The following NKAIN4 variants were observed in gnomAD, a reference collection of about 807,000 sequenced individuals.
NKAIN4 encodes sodium/potassium-transporting ATPase subunit beta-1-interacting protein 4.
A neutral mutation model predicts 28.8 loss-of-function variants in NKAIN4; 28 were observed. The ratio of observed to expected loss-of-function variants is 0.97; its 90% CI spans 0.72 to 1.33. The LOEUF is 1.33. Ranked by LOEUF, NKAIN4 falls within the 40% of genes most tolerant of loss-of-function variation. The pLI is 0.00. For missense variants in NKAIN4, 289 were observed against 277.2 expected (o/e 1.04, Z -0.30); for synonymous variants, 122 against 115.6 (o/e 1.06, Z -0.36).
upstream of NKAIN4, chr20:63,254,585 G>T: frequency 1.7e-6 from 1 of 598,850 alleles, no homozygotes; most frequent in Non-Finnish European, 2.4e-6. Flanking sequence ...GCAACCCCCG[G>T]CCCAGCCCCA....
At chr20:63,244,376 T>A in intron 4 of NKAIN4, 1 of 527,746 alleles carries the variant, frequency 1.9e-6, no homozygotes. Flanking sequence ...TCAGCCTGAG[T>A]GGCTGCAGGG....
At position 63,243,654 on chromosome 20, in the gene NKAIN4, G is replaced by A. The variant is rs2066802484; in HGVS notation, c.532+370C>T. 4.6e-5 allele frequency among the ~76,000 whole-genome samples: 7 copies of A among 152,216 alleles called. No individual in the cohort carries two copies. The South Asian group carries it at 1.4e-3, about 31-fold the overall frequency. ...GGCTGCCACCGAGGGCCTGATGTGA[G>A]CGTCCTGGCCATGGGCCCGGTTCCG... On this transcript the variant is annotated intron_variant, in intron 5 of 6. Coordinates refer to ENST00000370316, the MANE Select transcript of NKAIN4 (RefSeq NM_152864.4).
Position 63,247,606 on chromosome 20 carries a change from A to G in NKAIN4, c.443T>C (p.Leu148Pro), listed in dbSNP as rs1466958421. The G allele has an allele frequency of 6.5e-7, 1 of 1,548,026 alleles. No individual in the cohort carries two copies. Residue 148 changes from leucine (L) to proline (P), a missense_variant, in exon 4 of 7, where the codon CTA becomes CCA. By Grantham distance (98) the Leu-to-Pro change is moderately conservative (BLOSUM62 -3). Coordinates refer to ENST00000370316, the MANE Select transcript of NKAIN4 (RefSeq NM_152864.4). ...CALEPSYVEA[L>P]HSCLQILIAL... is the part of the protein sequence containing the mutation. ...GATCAGGATCTGCAGGCAACTGTGT[A>G]GGGCCTCCACATAGCTGGGCTCCAG... is the stretch of plus-strand genomic sequence containing the variant.
intron 1 of NKAIN4, 43 bp from the exon 2 acceptor site, chr20:63,250,115 G>A (rs2066931187): frequency 6.6e-7 from 1 of 1,522,214 alleles, no homozygotes; most frequent in African/African-American, 1.4e-5. Flanking sequence ...CCCGAGGGAG[G>A]CCCCAGGCCC....
chr20:63,248,598 C>T (rs911386434), intron 3 of NKAIN4: 14 of 526,036 alleles, frequency 2.7e-5, no homozygotes, highest in South Asian at 8.7e-5. Context: ...TACCCACAGA[C>T]GCCTTTCTTT....
chr20:63,244,164 A>C (rs542245629), intron 4 of NKAIN4, 80 bp from the exon 5 acceptor site: 79 of 1,297,636 alleles, frequency 6.1e-5, no homozygotes, highest in Middle Eastern at 4.2e-4. Context: ...GGGCCGAAGC[A>C]CTGGAGCGCC....
intron 5 of NKAIN4, 119 bp downstream of exon 5, chr20:63,243,904 TG>T: frequency 2.6e-6 from 2 of 783,036 alleles, no homozygotes; most frequent in Non-Finnish European, 4.2e-6. Context: ...AAGGCCCTGC[TG>T]GGCGTGAGGT....
intron 6 of NKAIN4, among the ~76,000 whole-genome samples, chr20:63,241,941 G>C (rs548424595): frequency 6.6e-6 from 1 of 152,170 alleles, no homozygotes; most frequent in East Asian, 1.9e-4. Context: ...GGGCTACCCA[G>C]GGGCGTGCCA....
rs187670173 is a variant in NKAIN4 at position 63,250,523 on chromosome 20, G to A, written c.55-451C>T. Reference sequence around the variant, plus strand: ...TCGGATGGCCGGGAGGGACGGACGCGGGTTCACAAGAGTACTGGACGCCGA... The same window carrying A: ...TCGGATGGCCGGGAGGGACGGACGCAGGTTCACAAGAGTACTGGACGCCGA... On this transcript the variant is annotated intron_variant, in intron 1 of 6. Coordinates refer to ENST00000370316, the MANE Select transcript of NKAIN4 (RefSeq NM_152864.4). Among the ~76,000 whole-genome samples the A allele has an allele frequency of 5.1e-3, 761 of 148,212 alleles. 3 individuals are homozygous for A. The highest frequency in any genetic ancestry group is 7.2e-3 in the Non-Finnish European group (472 of 65,542).
chr20:63,249,068 C>G, intron 2 of NKAIN4, 173 bp from the exon 3 acceptor site: 1 of 600,516 alleles, frequency 1.7e-6, no homozygotes, highest in South Asian at 1.9e-5. Context: ...CAAGCCCACC[C>G]TGGGACACGT....
chr20:63,241,854 T>C, intron 6 of NKAIN4: 1 of 430,052 alleles, frequency 2.3e-6, no homozygotes, highest in Admixed American at 3.4e-5. Flanking sequence ...CCCTGTTCTC[T>C]GACATGGGAG....
intron 5 of NKAIN4, 46 bp downstream of exon 5, chr20:63,243,978 C>T (rs1325459885): frequency 9.1e-6 from 14 of 1,537,536 alleles, no homozygotes; most frequent in Non-Finnish European, 1.3e-5. Context: ...GCTGCCACCT[C>T]TGTAGCCGTC....
At chr20:63,246,686 C>A in intron 4 of NKAIN4, 2 of 982,084 alleles carry the variant, frequency 2.0e-6, no homozygotes, top group Non-Finnish European at 2.4e-6. Flanking sequence ...GCCTCGAGAT[C>A]GGTCAGAAGT....
chr20:63,253,707 T>C (rs1355071230), intron 1 of NKAIN4, among the ~76,000 whole-genome samples: 1 of 152,044 alleles, frequency 6.6e-6, no homozygotes, highest in Non-Finnish European at 1.5e-5. Flanking sequence ...AGCTTCGGAC[T>C]CCGGGGCAGA....
chr20:63,246,114 G>A (rs2066851864), intron 4 of NKAIN4, among the ~76,000 whole-genome samples: 1 of 152,096 alleles, frequency 6.6e-6, no homozygotes, highest in South Asian at 2.1e-4. Flanking sequence ...ATTTTTAGTA[G>A]AGACAGGGTT....
upstream of NKAIN4, chr20:63,254,535 G>C (rs35796278): frequency 1 from 1,029,306 of 1,029,420 alleles, 514,596 homozygotes; most frequent in Middle Eastern, 1. Flanking sequence ...GCCGCAGCCT[G>C]GACCCCGCCC....
intron 1 of NKAIN4, chr20:63,254,106 C>T (rs538986906): frequency 2.1e-5 from 9 of 433,568 alleles, no homozygotes; most frequent in South Asian, 6.6e-5. Flanking sequence ...CGAAGGCTTC[C>T]GTCCGGCCAG....
At chr20:63,249,756 G>A (rs891151110) in intron 2 of NKAIN4, among the ~76,000 whole-genome samples, 179 bp downstream of exon 2, 8 of 152,118 alleles carry the variant, frequency 5.3e-5, no homozygotes, top group Non-Finnish European at 8.8e-5. Context: ...AAGCCCCTCC[G>A]TCCGAACCAG....
chr20:63,246,945 G>A (rs73153515), intron 4 of NKAIN4: 158,744 of 986,040 alleles, frequency 0.16, 13,169 homozygotes, highest in East Asian at 0.32. Context: ...GAGCAGCATC[G>A]TAGCCCCTGT....
Sources: allele counts gnomAD v4.1 joint callset (sites outside exome capture counted in the v4.1 genomes callset), GRCh38; gene constraint gnomAD v4.1.1; transcripts MANE v1.5; gene names NCBI Gene and HGNC (gene_info 2026-07-23, HGNC 2026-07-21).